The following SHISAL2A variants were observed in gnomAD, a reference collection of about 807,000 sequenced individuals.
The protein encoded by SHISAL2A is protein shisa-like-2A.
A neutral mutation model predicts 11.5 loss-of-function variants in SHISAL2A; 18 were observed. The ratio of observed to expected loss-of-function variants is 1.57; its 90% CI spans 1.08 to 2.33. SHISAL2A has a LOEUF of 2.33. Ranked by LOEUF, SHISAL2A falls within the 30% of genes most tolerant of loss-of-function variation. The probability of loss-of-function intolerance (pLI) is 0.00; values close to 1 mark genes in which losing one functional copy is unlikely to be tolerated. For synonymous variants in SHISAL2A, 94 were observed against 99.6 expected (o/e 0.94, Z 0.34); for missense variants, 261 against 250.9 (o/e 1.04, Z -0.27).
At chr1:52,641,811 G>T (rs1691371676) in intron 1 of SHISAL2A, among the ~76,000 whole-genome samples, 1 of 151,892 alleles carries the variant, frequency 6.6e-6, no homozygotes, top group Non-Finnish European at 1.5e-5. Flanking sequence ...GCGGGGGTGA[G>T]TGGGAGGGGG....
intron 1 of SHISAL2A, among the ~76,000 whole-genome samples, chr1:52,637,884 C>T (rs749721945): frequency 4.6e-5 from 7 of 152,030 alleles, no homozygotes; most frequent in Non-Finnish European, 5.9e-5. Flanking sequence ...GTAAAATCCT[C>T]GAAGACTCGA....
At chr1:52,650,557 A>C (rs1431276905) in intron 2 of SHISAL2A, among the ~76,000 whole-genome samples, 1 of 151,746 alleles carries the variant, frequency 6.6e-6, no homozygotes, top group East Asian at 1.9e-4. Flanking sequence ...TTTAACAATT[A>C]GTGGCTGTCA....
At chr1:52,644,330 C>G (rs17374258) in intron 2 of SHISAL2A, among the ~76,000 whole-genome samples, 1 of 152,180 alleles carries the variant, frequency 6.6e-6, no homozygotes, top group South Asian at 2.1e-4. Flanking sequence ...GTGTGTGGAC[C>G]GGACTGAGTG....
intron 2 of SHISAL2A, among the ~76,000 whole-genome samples, chr1:52,652,621 C>A (rs1178534972): frequency 6.6e-6 from 1 of 152,018 alleles, no homozygotes; most frequent in African/African-American, 2.4e-5. Flanking sequence ...GCTTAAATAA[C>A]AAAGAATCCC....
intron 4 of SHISAL2A, among the ~76,000 whole-genome samples, chr1:52,663,219 G>A (rs1025287397): frequency 1.3e-5 from 2 of 152,044 alleles, no homozygotes; most frequent in African/African-American, 4.8e-5. Context: ...TCCCCAGGGT[G>A]AGAATTATTA....
At chr1:52,664,550 G>GT (rs34226883) in intron 4 of SHISAL2A, among the ~76,000 whole-genome samples, 65,605 of 151,976 alleles carry the variant, frequency 0.43, 17,308 homozygotes, top group East Asian at 0.8. Context: ...TAGAGACGGG[G>GT]TTTCTCCATG....
At position 52,633,680 on chromosome 1, in the gene SHISAL2A, C is replaced by T; in HGVS notation, c.182+5C>T. On this transcript the variant is annotated splice_donor_5th_base_variant and intron_variant, in intron 1 of 2. Coordinates refer to ENST00000517870, the MANE Select transcript of SHISAL2A (RefSeq NM_001042693.3). This position sits in a 1 kb window ranked among gnomAD's most constrained non-coding sequence, Gnocchi z 6.4. ...CAGCTACATGTGGTGGCTCAGGTAC[C>T]GTCCCTGGCCCTCACCCTACCTTGA... 3 of 1,597,964 alleles carry T rather than the reference C, an allele frequency of 1.9e-6. No individual in the cohort carries two copies. The highest frequency in any genetic ancestry group is 2.6e-6 in the Non-Finnish European group (3 of 1,172,546).
chr1:52,659,252 C>A (rs1260758579), downstream of SHISAL2A: 1 of 152,210 alleles, frequency 6.6e-6, no homozygotes, highest in Non-Finnish European at 1.5e-5. Context: ...TTTTTTTTAT[C>A]GAGACGGGTG....
intron 1 of SHISAL2A, among the ~76,000 whole-genome samples, chr1:52,642,208 T>C (rs1271619431): frequency 1.3e-5 from 2 of 151,724 alleles, no homozygotes; most frequent in Non-Finnish European, 2.9e-5. Flanking sequence ...TATGGGGGGG[T>C]CCCCTAAGAC....
rs1344379226 is a variant in SHISAL2A at position 52,642,857 on chromosome 1, T to C, written c.183-6T>C. ...TCTCAGCTCCCATGTGGTCTTCTCTTCCCAGCATTGGCGCTCTCATAGGCC... is the reference window on the plus strand; with the variant it reads ...TCTCAGCTCCCATGTGGTCTTCTCTCCCCAGCATTGGCGCTCTCATAGGCC... On this transcript the variant is annotated splice_polypyrimidine_tract_variant and splice_region_variant and intron_variant, in intron 1 of 2. Coordinates refer to ENST00000517870, the MANE Select transcript of SHISAL2A (RefSeq NM_001042693.3). The C allele has an allele frequency of 6.2e-7, 1 of 1,612,748 alleles. No homozygotes were observed. The highest frequency in any genetic ancestry group is 1.3e-5 in the African/African-American group (1 of 74,872).
intron 4 of SHISAL2A, among the ~76,000 whole-genome samples, chr1:52,663,455 T>G (rs796566470): frequency 1.7e-4 from 26 of 152,292 alleles, no homozygotes; most frequent in African/African-American, 6.3e-4. Flanking sequence ...TTTAACTTCT[T>G]ATTCTAAGAA....
At chr1:52,668,484 C>G (rs1396644724) in intron 5 of SHISAL2A, 1 of 152,226 alleles carries the variant, frequency 6.6e-6, no homozygotes, top group African/African-American at 2.4e-5. Context: ...TGGTCTCCCA[C>G]AGCTTCTCTG....
Position 52,633,565 on chromosome 1 carries a change from G to C in SHISAL2A, c.72G>C (p.Pro24=), listed in dbSNP as rs764905233. ...TGCGCGGCTTCAGCTGCCCGCGGCCGGGGGGCGAGGCGGCCGCTGTCTTCT... is the reference window on the plus strand; with the variant it reads ...TGCGCGGCTTCAGCTGCCCGCGGCCCGGGGGCGAGGCGGCCGCTGTCTTCT... The part of the protein sequence containing the change: ...EVVRGFSCPR[P]GGEAAAVFCC... The change falls in exon 1 of 3, where the codon CCG becomes CCC. Residue 24 remains proline (P), a synonymous_variant. Coordinates refer to ENST00000517870, the MANE Select transcript of SHISAL2A (RefSeq NM_001042693.3). The surrounding 1 kb of genome is among the most constrained non-coding windows in gnomAD (Gnocchi z 6.4). 6 of 1,610,056 alleles carry C rather than the reference G, an allele frequency of 3.7e-6. No individual in the cohort carries two copies. In the African/African-American group the frequency reaches 6.7e-5, roughly 18 times the overall value.
intron 4 of SHISAL2A, among the ~76,000 whole-genome samples, chr1:52,664,284 G>A (rs1331642956): frequency 2.0e-5 from 3 of 151,148 alleles, no homozygotes; most frequent in Non-Finnish European, 4.4e-5. Context: ...TCTGCCTCTC[G>A]GGTTCACGCC....
chr1:52,649,698 C>T (rs1191955864), intron 2 of SHISAL2A, among the ~76,000 whole-genome samples: 5 of 152,186 alleles, frequency 3.3e-5, no homozygotes, highest in Non-Finnish European at 7.3e-5. Flanking sequence ...ACACATCATC[C>T]CCTTTAACCT....
chr1:52,643,587 G>C (rs1691421282), intron 2 of SHISAL2A, among the ~76,000 whole-genome samples: 1 of 152,208 alleles, frequency 6.6e-6, no homozygotes, highest in Non-Finnish European at 1.5e-5. Flanking sequence ...AGGCGCGGTG[G>C]CTCACGCCTG....
intron 2 of SHISAL2A, 33 bp from the exon 3 acceptor site, chr1:52,656,757 A>G (rs1239614784): frequency 6.4e-7 from 1 of 1,567,590 alleles, no homozygotes; most frequent in Non-Finnish European, 8.7e-7. Flanking sequence ...GGGGAAGAAG[A>G]GAGCCACACA....
chr1:52,665,103 C>G (rs1262355398), intron 4 of SHISAL2A, among the ~76,000 whole-genome samples: 1 of 152,174 alleles, frequency 6.6e-6, no homozygotes, highest in African/African-American at 2.4e-5. Context: ...TATGCGATGT[C>G]TGTACAGATG....
intron 2 of SHISAL2A, among the ~76,000 whole-genome samples, chr1:52,650,947 AC>A (rs886363524): frequency 7.0e-6 from 1 of 142,704 alleles, no homozygotes; most frequent in African/African-American, 2.7e-5. Context: ...GCCTGGCCTA[AC>A]CTTTTTTTTT....
Sources: gnomAD v4.1 joint callset for allele counts (sites outside exome capture counted in the v4.1 genomes callset) on GRCh38, gnomAD v4.1.1 for gene constraint, Gnocchi (gnomAD v3.1) non-coding constraint, MANE v1.5 for transcripts, NCBI Gene and HGNC (gene_info 2026-07-23, HGNC 2026-07-21) for gene names.